Variants in MEI1 observed in about 807,000 individuals in gnomAD.
The protein encoded by MEI1 is meiotic double-stranded break formation protein 1, also known as meiosis inhibitor protein 1.
In MEI1, 103 loss-of-function variants were observed where a neutral mutation model predicts 146.2. That is an observed-to-expected ratio of 0.70 (90% CI 0.60 to 0.83). The LOEUF is 0.83. Among genes scored for constraint, MEI1 ranks in the 40% least tolerant of loss-of-function variants. MEI1 has a pLI of 0.00. For missense variants in MEI1, 1,529 were observed against 1,533.0 expected (o/e 1.00, Z 0.04); for synonymous variants, 652 against 628.2 (o/e 1.04, Z -0.57).
At chr22:41,723,786 G>A (rs1404407983) in intron 6 of MEI1, among the ~76,000 whole-genome samples, 157 bp from the exon 7 acceptor site, 5 of 152,066 alleles carry the variant, frequency 3.3e-5, no homozygotes, top group Admixed American at 6.6e-5. Context: ...GAAGAGAGTC[G>A]GGTGCAAAAA....
chr22:41,713,673 C>G (rs1324196445), intron 3 of MEI1, among the ~76,000 whole-genome samples: 3 of 152,174 alleles, frequency 2.0e-5, no homozygotes, highest in African/African-American at 4.8e-5. Flanking sequence ...CTCAACCTCC[C>G]GAGTAGCTGG....
At chr22:41,727,506 G>A (rs1352121630) in intron 7 of MEI1, among the ~76,000 whole-genome samples, 1 of 152,140 alleles carries the variant, frequency 6.6e-6, no homozygotes, top group Non-Finnish European at 1.5e-5. Flanking sequence ...ACAGTTGTGG[G>A]TAGACTCCTA....
chr22:41,760,998 A>C (rs1326787948), intron 18 of MEI1, among the ~76,000 whole-genome samples: 1 of 152,094 alleles, frequency 6.6e-6, no homozygotes, highest in East Asian at 1.9e-4. Flanking sequence ...AGAAAACAAT[A>C]TAAAACAATA....
At chr22:41,707,602 A>T (rs912725286) in intron 3 of MEI1, among the ~76,000 whole-genome samples, 2 of 152,172 alleles carry the variant, frequency 1.3e-5, no homozygotes, top group Non-Finnish European at 2.9e-5. Context: ...TGAGCTCAGG[A>T]GTTCAAGTCC....
intron 22 of MEI1, 137 bp downstream of exon 22, chr22:41,778,949 G>T: frequency 1.6e-6 from 1 of 636,968 alleles, no homozygotes; most frequent in Non-Finnish European, 2.7e-6. Context: ...TCTGTCCCTA[G>T]GGTTTTCTTG....
At chr22:41,777,442 T>C (rs1389468356) in intron 21 of MEI1, among the ~76,000 whole-genome samples, 3 of 152,134 alleles carry the variant, frequency 2.0e-5, no homozygotes, top group Non-Finnish European at 4.4e-5. Flanking sequence ...AGGTGTGAGC[T>C]ACCACACTCG....
At chr22:41,787,317 A>C (rs2076027191) in intron 26 of MEI1, among the ~76,000 whole-genome samples, 1 of 152,170 alleles carries the variant, frequency 6.6e-6, no homozygotes, top group African/African-American at 2.4e-5. Flanking sequence ...TTTCAAACAT[A>C]CAGCAATGAG....
chr22:41,716,212 T>A, intron 5 of MEI1, 66 bp downstream of exon 5: 3 of 1,131,054 alleles, frequency 2.7e-6, no homozygotes, highest in South Asian at 1.4e-5. Flanking sequence ...GCCATTTGGG[T>A]GTCCCATTCA....
intron 17 of MEI1, among the ~76,000 whole-genome samples, chr22:41,756,108 A>G (rs1252032073): frequency 1.3e-5 from 2 of 152,188 alleles, no homozygotes; most frequent in African/African-American, 4.8e-5. Context: ...AATGTGGAAC[A>G]TAAGGATAAA....
At chr22:41,748,834 C>T (rs534401534) in intron 15 of MEI1, among the ~76,000 whole-genome samples, 62 of 151,718 alleles carry the variant, frequency 4.1e-4, no homozygotes, top group African/African-American at 1.3e-3. Context: ...GATTGAGTCT[C>T]GCCCTGTTGC....
At chr22:41,785,143 G>A (rs1192855446) in intron 26 of MEI1, among the ~76,000 whole-genome samples, 1 of 151,372 alleles carries the variant, frequency 6.6e-6, no homozygotes, top group African/African-American at 2.4e-5. Context: ...CACCATGTTG[G>A]CCAGGATGGT....
intron 26 of MEI1, among the ~76,000 whole-genome samples, chr22:41,788,672 C>T (rs1036222289): frequency 1.3e-5 from 2 of 151,988 alleles, no homozygotes; most frequent in Non-Finnish European, 1.5e-5. Flanking sequence ...AACTCCCAAC[C>T]TTAGGTGATC....
intron 1 of MEI1, 100 bp from the exon 2 acceptor site, chr22:41,703,231 C>A: frequency 1.5e-6 from 2 of 1,315,240 alleles, no homozygotes; most frequent in Non-Finnish European, 2.1e-6. Context: ...TTAAATGATC[C>A]CTTGTATCAT....
intron 3 of MEI1, among the ~76,000 whole-genome samples, chr22:41,712,204 C>CAAAAA (rs561773303): frequency 5.6e-5 from 3 of 53,664 alleles, no homozygotes; most frequent in Non-Finnish European, 9.3e-5. Flanking sequence ...AACTCCGGCT[C>CAAAAA]AAAAAAAAAA....
intron 6 of MEI1, among the ~76,000 whole-genome samples, chr22:41,718,765 C>G (rs921234144): frequency 1.3e-5 from 2 of 152,136 alleles, no homozygotes; most frequent in Non-Finnish European, 2.9e-5. Context: ...AGTCCAAGAT[C>G]AAGAGGCTGG....
At position 41,794,445 on chromosome 22, in the gene MEI1, C is replaced by T; in HGVS notation, c.3502C>T (p.Leu1168Phe). The change falls in exon 28 of 31, where the codon CTC (leucine) becomes TTC (phenylalanine). Residue 1168 changes from leucine (L) to phenylalanine (F), a missense_variant. Leu to Phe is a conservative substitution (Grantham distance 22). This residue lies in a region of MEI1 where 313 missense variants were observed against 337.3 expected (regional missense o/e 0.93). Transcript: ENST00000401548. ...CTTGGATGCTGGAGAGAATTCCTTC[C>T]TCAGACCTGAGATTTTGAGGCTCAT... ...TLLDAGENSF[L>F]RPEILRLMTL... 6.2e-7 allele frequency: 1 copy of T among 1,613,986 alleles called. No homozygotes were observed. The highest frequency in any genetic ancestry group is 1.1e-5 in the South Asian group (1 of 91,086).
intron 30 of MEI1, among the ~76,000 whole-genome samples, chr22:41,798,433 C>T (rs780471171): frequency 4.5e-4 from 68 of 151,964 alleles, no homozygotes; most frequent in African/African-American, 1.1e-3. Flanking sequence ...CAAAAATTAG[C>T]TGGGCGTGGT....
At position 41,763,162 on chromosome 22, in the gene MEI1, C is replaced by T; in HGVS notation, c.2121-12C>T. Reference sequence around the variant, plus strand: ...CTCTGCCTTTCTCACTCAGGCTTTTCTTGGTTGACAGGTTTGTCTCAGAGG... The same window carrying T: ...CTCTGCCTTTCTCACTCAGGCTTTTTTTGGTTGACAGGTTTGTCTCAGAGG... On this transcript the variant is annotated splice_polypyrimidine_tract_variant and intron_variant, in intron 18 of 30. Transcript: ENST00000401548. The T allele has an allele frequency of 6.2e-7, 1 of 1,613,016 alleles. No individual in the cohort carries two copies. Among genetic ancestry groups the T allele is most frequent in the South Asian group, 1.1e-5 (1 of 90,942 alleles).
chr22:41,700,262 A>C (rs945670832), intron 1 of MEI1, among the ~76,000 whole-genome samples: 5 of 152,160 alleles, frequency 3.3e-5, no homozygotes, highest in African/African-American at 9.7e-5. Context: ...GAACGGGAAG[A>C]CTGTTCCTTG....
Sources: gnomAD v4.1 joint callset for allele counts (sites outside exome capture counted in the v4.1 genomes callset) on GRCh38, gnomAD v4.1.1 for gene constraint, gnomAD v4.1.1 regional missense constraint, MANE v1.5 for transcripts, NCBI Gene and HGNC (gene_info 2026-07-23, HGNC 2026-07-21) for gene names.